ANKRD61: variants seen among roughly 807,000 people sequenced by gnomAD.
The protein encoded by ANKRD61 is ankyrin repeat domain-containing protein 61.
In ANKRD61, 7 loss-of-function variants were observed where a neutral mutation model predicts 8.4. The ratio of observed to expected loss-of-function variants is 0.84; its 90% CI spans 0.48 to 1.57. The LOEUF is 1.57. Ranked by LOEUF, ANKRD61 falls within the 40% of genes most tolerant of loss-of-function variation. The pLI, the probability that ANKRD61 is intolerant of heterozygous loss-of-function variation, is 0.00. For missense variants in ANKRD61, 516 were observed against 523.4 expected, an observed-to-expected ratio of 0.99 and a Z score of 0.14; for synonymous variants, 198 against 208.0, an observed-to-expected ratio of 0.95 and a Z score of 0.41.
At position 6,031,545 on chromosome 7, in the gene ANKRD61, T is replaced by C. The variant is rs960937681; in HGVS notation, c.170T>C (p.Ile57Thr). Residue 57 changes from isoleucine to threonine, a missense_variant, in exon 1 of 3, where the codon ATC (isoleucine) becomes ACC (threonine). Ile to Thr is a moderately conservative substitution (Grantham distance 89, BLOSUM62 -1). Coordinates refer to ENST00000409061, the MANE Select transcript of ANKRD61 (RefSeq NM_001271700.2). ...LLRNHPVNQP[I>T]TILPNSASNR... ...AGAAATCACCCTGTCAACCAGCCCATCACCATTCTGCCCAACTCCGCCAGC... is the reference window on the plus strand; with the variant it reads ...AGAAATCACCCTGTCAACCAGCCCACCACCATTCTGCCCAACTCCGCCAGC... 4 of 1,550,612 alleles carry C rather than the reference T, an allele frequency of 2.6e-6. No individual in the cohort carries two copies. Among genetic ancestry groups the C allele is most frequent in the Middle Eastern group, 1.7e-4 (1 of 6,012 alleles).
chr7:6,036,378 A>G lies in ANKRD61; in HGVS notation c.1249A>G (p.Thr417Ala). ...SVYCCYDLAY[T>A]S ...CTACTGCTGTTATGACTTGGCATAT[A>G]CCTCTTGAAATAAGACCTCCCAGTT... Residue 417 changes from threonine to alanine, a missense_variant, in exon 3 of 3, where the codon ACC (threonine) becomes GCC (alanine). Transcript: ENST00000409061. The surrounding 1 kb of genome is among the most constrained non-coding windows in gnomAD (Gnocchi z 4.6). 1.4e-6 allele frequency: 2 copies of G among 1,472,834 alleles called. No individual in the cohort carries two copies. Among genetic ancestry groups the G allele is most frequent in the Non-Finnish European group, 1.8e-6 (2 of 1,112,950 alleles). 91.2% of individuals were successfully genotyped at this position (1,472,834 alleles called of 1,614,324 possible). A position where few individuals can be genotyped will look rare whatever the true frequency, so the allele number is the denominator to read the frequency against.
At chr7:6,034,834 G>A in intron 2 of ANKRD61, among the ~76,000 whole-genome samples, 1 of 152,214 alleles carries the variant, frequency 6.6e-6, no homozygotes, top group Non-Finnish European at 1.5e-5. Flanking sequence ...CTGGAGCAGG[G>A]AATGAACTTC....
At position 6,031,420 on chromosome 7, in the gene ANKRD61, C is replaced by T. The variant is rs779404630; in HGVS notation, c.45C>T (p.Asp15=). Residue 15 remains aspartate, a synonymous_variant, in exon 1 of 3, where the codon GAC becomes GAT. Coordinates refer to ENST00000409061, the MANE Select transcript of ANKRD61 (RefSeq NM_001271700.2). ...AAGGAAGCAGAGACCTGGTGGTTGA[C>T]AGTGCCAAGTCCCTGGAAGATGGCC... ...TRKGSRDLVV[D]SAKSLEDGPS... is the part of the protein sequence containing the mutation. 7.1e-6 allele frequency: 11 copies of T among 1,550,696 alleles called. 1 individual carries two copies. In the South Asian group the frequency reaches 1.1e-4, roughly 15 times the overall value.
chr7:6,033,689 C>T lies in ANKRD61; in HGVS notation c.314+753C>T, dbSNP rs1011413165. On this transcript the variant is annotated intron_variant, in intron 2 of 2. Coordinates refer to ENST00000409061, the MANE Select transcript of ANKRD61 (RefSeq NM_001271700.2). This position sits in a 1 kb window ranked among gnomAD's most constrained non-coding sequence, Gnocchi z 4.4. Reference sequence around the variant, plus strand: ...GGTTCACGCCATTCTCCTGCCTCAGCCTCCCAAGTAGCTGGGACTACAGGC... The same window carrying T: ...GGTTCACGCCATTCTCCTGCCTCAGTCTCCCAAGTAGCTGGGACTACAGGC... Among the ~76,000 whole-genome samples, 3 of 152,130 alleles carry T rather than the reference C, an allele frequency of 2.0e-5. No homozygotes were observed. The highest frequency in any genetic ancestry group is 2.0e-4 in the Admixed American group (3 of 15,276).
chr7:6,036,237 TCGCAAA>T lies in ANKRD61; in HGVS notation c.1109_1114del (p.Ser370_Lys372delinsTer). ...CTTAAGGGACACCCTAATAAAGCAA[TCGCAAA>T]AACCTTTATCCCTACAGGGTATCTG... On this transcript the variant is annotated stop_gained and inframe_deletion, in exon 3 of 3. Transcript: ENST00000409061. LOFTEE classifies it low-confidence loss of function (END_TRUNC). This position sits in a 1 kb window ranked among gnomAD's most constrained non-coding sequence, Gnocchi z 4.6. 1 of 1,549,432 alleles carries T rather than the reference TCGCAAA, an allele frequency of 6.5e-7. No individual in the cohort carries two copies. Among genetic ancestry groups the T allele is most frequent in the Non-Finnish European group, 8.7e-7 (1 of 1,146,704 alleles).
In ANKRD61 at chr7:6,036,274, GA is replaced by G; in HGVS notation, c.1148del (p.Asn383ThrfsTer14). 1.9e-6 allele frequency: 3 copies of G among 1,549,712 alleles called. No homozygotes were observed. The highest frequency in any genetic ancestry group is 1.7e-6 in the Non-Finnish European group (2 of 1,146,802). On this transcript the variant is annotated frameshift_variant, in exon 3 of 3. Coordinates refer to ENST00000409061, the MANE Select transcript of ANKRD61 (RefSeq NM_001271700.2). LOFTEE classifies it low-confidence loss of function (END_TRUNC). This position sits in a 1 kb window ranked among gnomAD's most constrained non-coding sequence, Gnocchi z 4.6. ...TTATCCCTACAGGGTATCTGCAAAAGAAACATCAGGAATATTTATGGTGAGA... is the reference window on the plus strand; with the variant it reads ...TTATCCCTACAGGGTATCTGCAAAAGAACATCAGGAATATTTATGGTGAGA... ...KPLSLQGICK[R>X]NIRNIYGEKY...
chr7:6,032,462 C>T lies in ANKRD61; in HGVS notation c.217-377C>T, dbSNP rs111446081. Among the ~76,000 whole-genome samples the T allele has an allele frequency of 9.6e-3, 1,456 of 152,288 alleles. 30 individuals are homozygous for T. The highest frequency in any genetic ancestry group is 0.033 in the African/African-American group (1,364 of 41,550). On this transcript the variant is annotated intron_variant, in intron 1 of 2. Transcript: ENST00000409061. This position sits in a 1 kb window ranked among gnomAD's most constrained non-coding sequence, Gnocchi z 4.3. The stretch of plus-strand genomic sequence containing the variant: ...ACTGCTGATAATACGACTTTGGCAA[C>T]GACACAGCACCTACTTGTCCATCAC...
rs757789584 is a variant in ANKRD61 at position 6,031,390 on chromosome 7, CA to C, written c.16del (p.Arg6GlyfsTer32). The C allele has an allele frequency of 6.4e-7, 1 of 1,550,508 alleles. No homozygotes were observed. Among genetic ancestry groups the C allele is most frequent in the African/African-American group, 1.4e-5 (1 of 72,988 alleles). On this transcript the variant is annotated frameshift_variant, in exon 1 of 3. Transcript: ENST00000409061. LOFTEE classifies it high-confidence loss of function. MGNIT[R>X]KGSRDLVVDS... ...AAGTTTTTCTCATGGGGAATATAACCAGGAAAGGAAGCAGAGACCTGGTGGT... is the reference window on the plus strand; with the variant it reads ...AAGTTTTTCTCATGGGGAATATAACCGGAAAGGAAGCAGAGACCTGGTGGT...
intron 2 of ANKRD61, among the ~76,000 whole-genome samples, chr7:6,034,308 A>AAAT (rs1008114156): frequency 6.6e-6 from 1 of 151,864 alleles, no homozygotes; most frequent in South Asian, 2.1e-4. Flanking sequence ...CTCCATCTCA[A>AAAT]AATAATAATA....
In ANKRD61 at chr7:6,032,636, C is replaced by T. The variant is rs1562744043; in HGVS notation, c.217-203C>T. Among the ~76,000 whole-genome samples the T allele has an allele frequency of 6.6e-6, 1 of 152,108 alleles. No individual in the cohort carries two copies. The highest frequency in any genetic ancestry group is 1.5e-5 in the Non-Finnish European group (1 of 68,026). Reference sequence around the variant, plus strand: ...TCAGTAAATGTGCATTTCTGTGAAACACAGATTTTATAGGATGGAATTCAC... The same window carrying T: ...TCAGTAAATGTGCATTTCTGTGAAATACAGATTTTATAGGATGGAATTCAC... On this transcript the variant is annotated intron_variant, in intron 1 of 2. Transcript: ENST00000409061. This position sits in a 1 kb window ranked among gnomAD's most constrained non-coding sequence, Gnocchi z 4.3.
At chr7:6,034,812 A>C (rs1271774077) in intron 2 of ANKRD61, among the ~76,000 whole-genome samples, 1 of 152,248 alleles carries the variant, frequency 6.6e-6, no homozygotes, top group Non-Finnish European at 1.5e-5. Context: ...TAAAATGCCC[A>C]TTCCACCTGG....
intron 2 of ANKRD61, among the ~76,000 whole-genome samples, chr7:6,034,616 C>A (rs752775962): frequency 1.3e-5 from 2 of 152,234 alleles, no homozygotes; most frequent in African/African-American, 2.4e-5. Flanking sequence ...ATAAGCCCTA[C>A]AAAGGTAGGG....
In ANKRD61 at chr7:6,032,411, T is replaced by C. The variant is rs1013614419; in HGVS notation, c.217-428T>C. ...AGACAGAACATATGCTGCGTTATAT[T>C]TGAAAACCCTGAAGATTCAGGTTTT... On this transcript the variant is annotated intron_variant, in intron 1 of 2. Transcript: ENST00000409061. The surrounding 1 kb of genome is among the most constrained non-coding windows in gnomAD (Gnocchi z 4.3). 3.3e-5 allele frequency among the ~76,000 whole-genome samples: 5 copies of C among 152,186 alleles called. No homozygotes were observed. The highest frequency in any genetic ancestry group is 1.9e-4 in the East Asian group (1 of 5,194).
At chr7:6,034,994 T>C (rs2128887349) in intron 2 of ANKRD61, among the ~76,000 whole-genome samples, 1 of 152,160 alleles carries the variant, frequency 6.6e-6, no homozygotes, top group East Asian at 1.9e-4. Context: ...TCTGTGGCAA[T>C]AACAGATCAC....
At position 6,036,067 on chromosome 7, in the gene ANKRD61, C is replaced by CT. The variant is rs1356579424; in HGVS notation, c.939dup (p.Pro314SerfsTer33). On this transcript the variant is annotated frameshift_variant, in exon 3 of 3. Coordinates refer to ENST00000409061, the MANE Select transcript of ANKRD61 (RefSeq NM_001271700.2). LOFTEE classifies it low-confidence loss of function (END_TRUNC). This position sits in a 1 kb window ranked among gnomAD's most constrained non-coding sequence, Gnocchi z 4.6. ...AACATTTTAACAAGAAACGGGGAAT[C>CT]TCCAATTTATATGTACCTTCAGCGC... 48 of 1,550,878 alleles carry CT rather than the reference C, an allele frequency of 3.1e-5. No individual in the cohort carries two copies. The highest frequency in any genetic ancestry group is 4.0e-5 in the Non-Finnish European group (46 of 1,147,124).
At position 6,036,181 on chromosome 7, in the gene ANKRD61, CT is replaced by C; in HGVS notation, c.1053del (p.Ala352GlnfsTer11). ...ATGACCAATAACCAAGGAATTCTAC[CT>C]GCAGGAATCATGCTACCAGAATTCC... ...LRMTNNQGIL[P>X]AGIMLPEFRL... On this transcript the variant is annotated frameshift_variant, in exon 3 of 3. Coordinates refer to ENST00000409061, the MANE Select transcript of ANKRD61 (RefSeq NM_001271700.2). LOFTEE classifies it low-confidence loss of function (END_TRUNC). This position sits in a 1 kb window ranked among gnomAD's most constrained non-coding sequence, Gnocchi z 4.6. 1 of 1,549,738 alleles carries C rather than the reference CT, an allele frequency of 6.5e-7. No individual in the cohort carries two copies. Among genetic ancestry groups the C allele is most frequent in the Non-Finnish European group, 8.7e-7 (1 of 1,146,514 alleles).
At chr7:6,031,951 A>G (rs576463444) in intron 1 of ANKRD61, among the ~76,000 whole-genome samples, 1 of 152,306 alleles carries the variant, frequency 6.6e-6, no homozygotes, top group East Asian at 1.9e-4. Context: ...AGGTGGGTGG[A>G]TCACCTGAGG....
intron 2 of ANKRD61, among the ~76,000 whole-genome samples, chr7:6,034,311 T>A (rs1230792511): frequency 1.3e-5 from 2 of 151,568 alleles, no homozygotes; most frequent in Non-Finnish European, 2.9e-5. Flanking sequence ...CATCTCAAAA[T>A]AATAATAATA....
At position 6,033,433 on chromosome 7, in the gene ANKRD61, T is replaced by C. The variant is rs1208680650; in HGVS notation, c.314+497T>C. On this transcript the variant is annotated intron_variant, in intron 2 of 2. Transcript: ENST00000409061. The surrounding 1 kb of genome is among the most constrained non-coding windows in gnomAD (Gnocchi z 4.4). Reference sequence around the variant, plus strand: ...AAAAACTGAGAAAAATGCAACATCATAAATATTTTGCCAAATTAATGCACA... The same window carrying C: ...AAAAACTGAGAAAAATGCAACATCACAAATATTTTGCCAAATTAATGCACA... Among the ~76,000 whole-genome samples, 2 of 152,172 alleles carry C rather than the reference T, an allele frequency of 1.3e-5. No individual in the cohort carries two copies. Among genetic ancestry groups the C allele is most frequent in the African/African-American group, 2.4e-5 (1 of 41,442 alleles).
Sources: allele counts gnomAD v4.1 joint callset (sites outside exome capture counted in the v4.1 genomes callset), GRCh38; gene constraint gnomAD v4.1.1; non-coding constraint Gnocchi (gnomAD v3.1); transcripts MANE v1.5; gene names NCBI Gene and HGNC (gene_info 2026-07-23, HGNC 2026-07-21).